The following ATP11C variants were observed in gnomAD, a reference collection of about 807,000 sequenced individuals.
ATP11C encodes phospholipid-transporting ATPase IG.
Under a neutral mutation model 97.4 loss-of-function variants are expected in ATP11C, and 36 were observed. The ratio of observed to expected loss-of-function variants is 0.37; its 90% confidence interval spans 0.28 to 0.49. The LOEUF is 0.49. Among genes scored for constraint, ATP11C ranks in the 20% least tolerant of loss-of-function variants. The probability of loss-of-function intolerance (pLI) is 0.98; values close to 1 mark genes in which losing one functional copy is unlikely to be tolerated. For synonymous variants in ATP11C, 275 were observed against 290.9 expected (o/e 0.95, Z 0.56); for missense variants, 730 against 824.6 (o/e 0.89, Z 1.40).
chrX:139,750,124 A>G lies in ATP11C; in HGVS notation c.2729T>C (p.Met910Thr). The G allele has an allele frequency of 1.7e-6, 2 of 1,201,615 alleles. No homozygotes were observed. Among genetic ancestry groups the G allele is most frequent in the Admixed American group, 2.2e-5 (1 of 45,954 alleles). Residue 910 changes from methionine to threonine, a missense_variant, in exon 24 of 30, where the codon ATG becomes ACG. Met to Thr is a moderately conservative substitution (Grantham distance 81). Transcript: ENST00000682941. ...CAAGGATGTGAAGCAGATATTGTAC[A>G]TTGTAAGGTAAGCAGCATCATACAG... ...QPLYDAAYLT[M>T]YNICFTSLPI...
upstream of ATP11C, among the ~76,000 whole-genome samples, chrX:139,935,996 A>G (rs1464760975): frequency 2.0e-5 from 2 of 99,303 alleles, no homozygotes; most frequent in East Asian, 5.9e-4. Context: ...ACTCCGTCTC[A>G]AAAAAAAAAA....
At chrX:139,840,430 T>C (rs2083809632) in intron 1 of ATP11C, among the ~76,000 whole-genome samples, 1 of 112,698 alleles carries the variant, frequency 8.9e-6, no homozygotes, top group Non-Finnish European at 1.9e-5. Context: ...TTCAGATTCA[T>C]CATTTCCAGC....
At chrX:139,818,990 A>G in intron 3 of ATP11C, among the ~76,000 whole-genome samples, 2 of 112,058 alleles carry the variant, frequency 1.8e-5, no homozygotes. Flanking sequence ...CTGGTATGTA[A>G]CAAAATAAAA....
chrX:139,780,678 ATT>A (rs1156515728), intron 18 of ATP11C, among the ~76,000 whole-genome samples: 1 of 111,744 alleles, frequency 8.9e-6, no homozygotes, highest in East Asian at 2.8e-4. Flanking sequence ...TACCACTCCT[ATT>A]TAACAGAGTA....
intron 12 of ATP11C, among the ~76,000 whole-genome samples, chrX:139,790,756 TTC>T (rs1340056448): frequency 9.0e-6 from 1 of 111,662 alleles, no homozygotes; most frequent in Non-Finnish European, 1.9e-5. Flanking sequence ...TAACTGAAAT[TTC>T]TTTCTTTTTA....
At chrX:139,934,477 A>C (rs1409980386), upstream of ATP11C, among the ~76,000 whole-genome samples, 1 of 110,704 alleles carries the variant, frequency 9.0e-6, no homozygotes, top group Non-Finnish European at 1.9e-5. Flanking sequence ...TTATTGACAA[A>C]AGAGATCTAA....
chrX:139,878,890 AG>A (rs1002014015), intron 1 of ATP11C, among the ~76,000 whole-genome samples: 6 of 109,114 alleles, frequency 5.5e-5, no homozygotes, highest in Non-Finnish European at 1.1e-4. Context: ...GGGGGAGGGG[AG>A]GGGGAATCAT....
Position 139,857,318 on chromosome X carries a change from A to AG in ATP11C, c.28-30496dup, listed in dbSNP as rs1483023845. The stretch of plus-strand genomic sequence containing the variant: ...GAAAAGAAAGCTGTAAGGAAATACA[A>AG]GGGGAGGGGCTGTTAGATATGAGTT... On this transcript the variant is annotated intron_variant, in intron 1 of 29. Coordinates refer to ENST00000682941, the MANE Select transcript of ATP11C (RefSeq NM_001353812.2). Among the ~76,000 whole-genome samples the AG allele has an allele frequency of 3.6e-5, 4 of 112,304 alleles. No individual in the cohort carries two copies. In the East Asian group the frequency reaches 8.4e-4, roughly 23 times the overall value.
chrX:139,883,479 T>C (rs966657260), intron 1 of ATP11C, among the ~76,000 whole-genome samples: 5 of 111,452 alleles, frequency 4.5e-5, no homozygotes, highest in East Asian at 2.8e-4. Flanking sequence ...AGGTAGTCAT[T>C]AGATATTTAG....
intron 20 of ATP11C, among the ~76,000 whole-genome samples, chrX:139,766,690 A>C (rs2082145530): frequency 8.9e-6 from 1 of 111,888 alleles, no homozygotes; most frequent in African/African-American, 3.3e-5. Context: ...GGAAGTGGTT[A>C]AAGAATCTGA....
chrX:139,776,186 C>T (rs1212819387), intron 18 of ATP11C, among the ~76,000 whole-genome samples: 1 of 112,523 alleles, frequency 8.9e-6, no homozygotes, highest in East Asian at 2.8e-4. Context: ...CAGCCAGCAG[C>T]AGTTCTTCCC....
At chrX:139,763,274 C>T (rs933585024) in intron 21 of ATP11C, 42 bp downstream of exon 21, 5 of 1,042,966 alleles carry the variant, frequency 4.8e-6, no homozygotes, top group Non-Finnish European at 6.7e-6. Context: ...AAAAGCAATA[C>T]TGATACTTTT....
At chrX:139,754,350 T>C (rs899606790) in intron 23 of ATP11C, among the ~76,000 whole-genome samples, 2 of 110,667 alleles carry the variant, frequency 1.8e-5, no homozygotes, top group African/African-American at 6.6e-5. Context: ...ATAAAAAGTA[T>C]ACCAACCAAA....
intron 23 of ATP11C, among the ~76,000 whole-genome samples, chrX:139,756,351 A>C (rs761300227): frequency 8.9e-6 from 1 of 112,431 alleles, no homozygotes; most frequent in East Asian, 2.8e-4. Context: ...TTGCAGAGAA[A>C]AGGGAACACT....
chrX:139,820,332 C>T (rs1036806714), intron 2 of ATP11C, among the ~76,000 whole-genome samples: 2 of 110,752 alleles, frequency 1.8e-5, no homozygotes, highest in East Asian at 2.8e-4. Context: ...ACCCAGGAGG[C>T]GGAGGCTGCA....
At chrX:139,735,676 A>G (rs956983669) in intron 28 of ATP11C, among the ~76,000 whole-genome samples, 1 of 111,369 alleles carries the variant, frequency 9.0e-6, no homozygotes, top group Non-Finnish European at 1.9e-5. Flanking sequence ...GGCCTTATAT[A>G]AACAGATGTG....
intron 1 of ATP11C, among the ~76,000 whole-genome samples, chrX:139,893,185 C>T (rs768544180): frequency 6.3e-5 from 7 of 111,387 alleles, no homozygotes; most frequent in African/African-American, 1.6e-4. Context: ...ACTACAGAAG[C>T]GTGCCACCAA....
At chrX:139,764,546 T>C (rs928806557) in intron 20 of ATP11C, among the ~76,000 whole-genome samples, 2 of 112,739 alleles carry the variant, frequency 1.8e-5, no homozygotes, top group Non-Finnish European at 3.7e-5. Flanking sequence ...CCTTGGAATC[T>C]AGCGGCTTAA....
At chrX:139,856,979 G>T (rs1038625997) in intron 1 of ATP11C, among the ~76,000 whole-genome samples, 9 of 112,008 alleles carry the variant, frequency 8.0e-5, no homozygotes, top group Admixed American at 6.6e-4. Context: ...CAAAGGCATT[G>T]CAAGGTCTGA....
Sources: gnomAD v4.1 joint callset for allele counts (sites outside exome capture counted in the v4.1 genomes callset) on GRCh38, gnomAD v4.1.1 for gene constraint, MANE v1.5 for transcripts, NCBI Gene and HGNC (gene_info 2026-07-23, HGNC 2026-07-21) for gene names.